Variants in TMCO4 observed in about 807,000 individuals in gnomAD.
The protein encoded by TMCO4 is transmembrane and coiled-coil domains 4.
Under a neutral mutation model 64.7 loss-of-function variants are expected in TMCO4, and 58 were observed. The observed-to-expected ratio is 0.90, with a 90% CI of 0.73 to 1.12. The LOEUF is 1.12. Among genes scored for constraint, TMCO4 ranks in the 50% most tolerant of loss-of-function variants. TMCO4 has a pLI of 0.00. For missense variants in TMCO4, 780 were observed against 825.9 expected (o/e 0.94, Z 0.68); for synonymous variants, 325 against 346.1 (o/e 0.94, Z 0.68).
intron 13 of TMCO4, among the ~76,000 whole-genome samples, chr1:19,728,109 C>T (rs1203912441): frequency 1.3e-5 from 2 of 152,146 alleles, no homozygotes; most frequent in Admixed American, 6.5e-5. Context: ...TTGTACTAGG[C>T]TTAGTAGCTG....
intron 4 of TMCO4, among the ~76,000 whole-genome samples, chr1:19,773,780 T>G (rs565332804): frequency 7.2e-5 from 11 of 152,312 alleles, no homozygotes; most frequent in Non-Finnish European, 5.9e-5. Context: ...GAGCCTGGCA[T>G]GTAGTAGAGG....
chr1:19,779,240 G>A lies in TMCO4; in HGVS notation c.179+1340C>T, dbSNP rs74677518. 7.9e-3 allele frequency among the ~76,000 whole-genome samples: 1,209 copies of A among 152,184 alleles called. 20 individuals are homozygous for A. Among genetic ancestry groups the A allele is most frequent in the African/African-American group, 0.028 (1,157 of 41,522 alleles). On this transcript the variant is annotated intron_variant, in intron 4 of 15. Coordinates refer to ENST00000294543, the MANE Select transcript of TMCO4 (RefSeq NM_181719.7). Reference sequence around the variant, plus strand: ...AGTAACGGTATCTCAGTGCTCCTACGCTCTCTTCCCCCTCTGAACCTTTGG... The same window carrying A: ...AGTAACGGTATCTCAGTGCTCCTACACTCTCTTCCCCCTCTGAACCTTTGG...
intron 9 of TMCO4, among the ~76,000 whole-genome samples, chr1:19,745,852 G>C (rs1318815173): frequency 6.6e-6 from 1 of 152,174 alleles, no homozygotes; most frequent in Non-Finnish European, 1.5e-5. Flanking sequence ...AGCTGCTTCT[G>C]AGGCTGGCCA....
At chr1:19,759,603 G>C (rs552074013) in intron 6 of TMCO4, among the ~76,000 whole-genome samples, 1 of 152,320 alleles carries the variant, frequency 6.6e-6, no homozygotes, top group East Asian at 1.9e-4. Flanking sequence ...CTGCCTCGGG[G>C]CCTTTGCACT....
intron 15 of TMCO4, among the ~76,000 whole-genome samples, chr1:19,691,018 A>G (rs977659166): frequency 4.6e-5 from 7 of 151,788 alleles, no homozygotes; most frequent in African/African-American, 1.7e-4. Context: ...ACAGGTGCCC[A>G]CCGCCACACC....
rs1042645957 is a variant in TMCO4, at chr1:19,700,871, T to A, written c.1279A>T (p.Ile427Phe). 6.2e-7 allele frequency: 1 copy of A among 1,614,234 alleles called. No homozygotes were observed. Reference protein sequence around the residue: ...MAQEKDCQGIIEDVILLGAPV... With the variant: ...MAQEKDCQGIFEDVILLGAPV... ...GCACCCAGCAGGATGACGTCCTCGA[T>A]GATTCCTTGGCAATCTGGCAAAAGA... The change falls in exon 14 of 16, where the codon ATC (isoleucine) becomes TTC (phenylalanine). Residue 427 changes from isoleucine to phenylalanine, a missense_variant. Physicochemically the swap from Ile to Phe is conservative, Grantham distance 21. Transcript: ENST00000294543.
rs532717659 is a variant in TMCO4 at position 19,731,483 on chromosome 1, G to C, written c.1264+5889C>G. On this transcript the variant is annotated intron_variant, in intron 13 of 15. Coordinates refer to ENST00000294543, the MANE Select transcript of TMCO4 (RefSeq NM_181719.7). The stretch of plus-strand genomic sequence containing the variant: ...TGGAGTTCAGAGAGGTTACATGACT[G>C]GGTGCGTGGTGGGTTTGGAATTCAA... Among the ~76,000 whole-genome samples, 89 of 152,322 alleles carry C rather than the reference G, an allele frequency of 5.8e-4. No homozygotes were observed. The South Asian group carries it at 7.2e-3, about 12-fold the overall frequency.
chr1:19,779,906 C>T (rs985155221), intron 4 of TMCO4, among the ~76,000 whole-genome samples: 3 of 152,280 alleles, frequency 2.0e-5, no homozygotes, highest in Non-Finnish European at 4.4e-5. Context: ...ACAGTAAGTG[C>T]TCAAAAAATG....
At position 19,788,794 on chromosome 1, in the gene TMCO4, G is replaced by C. The variant is rs542703060; in HGVS notation, c.-100-1677C>G. Reference sequence around the variant, plus strand: ...TAGTTATGTTTTTAAAACATGTTTCGGCTGGGTGTGGTAGCTCATGCCTGT... The same window carrying C: ...TAGTTATGTTTTTAAAACATGTTTCCGCTGGGTGTGGTAGCTCATGCCTGT... On this transcript the variant is annotated intron_variant, in intron 2 of 15. Transcript: ENST00000294543. Among the ~76,000 whole-genome samples the C allele has an allele frequency of 4.6e-4, 70 of 152,264 alleles. 1 individual carries two copies. In the South Asian group the frequency reaches 0.014, roughly 30 times the overall value.
In TMCO4 at chr1:19,758,110, T is replaced by A. The variant is rs112847144; in HGVS notation, c.383-2344A>T. 2.6e-5 allele frequency among the ~76,000 whole-genome samples: 4 copies of A among 152,324 alleles called. 1 individual carries two copies. Among genetic ancestry groups the A allele is most frequent in the African/African-American group, 9.6e-5 (4 of 41,580 alleles). On this transcript the variant is annotated intron_variant, in intron 6 of 15. Coordinates refer to ENST00000294543, the MANE Select transcript of TMCO4 (RefSeq NM_181719.7). ...CTTTCCCTGGCCTCATGTTTCCATG[T>A]GAGGGACCATTTACCATGACACAGT...
In TMCO4 at chr1:19,694,529, C is replaced by T. The variant is rs199977255; in HGVS notation, c.1405G>A (p.Val469Met). ...AGCTGCACCGAGGATGTGCGGTACA[C>T]GAAACTCAGCAGCCAGTCTCCCCTG... is the stretch of plus-strand genomic sequence containing the variant. ...YCRGDWLLSF[V>M]YRTSSVQLRV... Residue 469 changes from valine to methionine, a missense_variant, in exon 15 of 16, where the codon GTG (valine) becomes ATG (methionine). By Grantham distance (21) the Val-to-Met change is conservative. Coordinates refer to ENST00000294543, the MANE Select transcript of TMCO4 (RefSeq NM_181719.7). 40 of 1,613,846 alleles carry T rather than the reference C, an allele frequency of 2.5e-5. 1 individual carries two copies. The African/African-American group carries it at 2.8e-4, about 11-fold the overall frequency.
chr1:19,777,043 A>G (rs868360773), intron 4 of TMCO4, among the ~76,000 whole-genome samples: 9 of 151,742 alleles, frequency 5.9e-5, no homozygotes, highest in South Asian at 4.2e-4. Context: ...AAAAAAAAAA[A>G]AAAAAAGAAA....
In TMCO4 at chr1:19,737,519, C is replaced by T. The variant is rs1346273699; in HGVS notation, c.1180-63G>A. ...CTGCCAGTTCTAGCAAAACATCAGG[C>T]CTGAGGAGGGCAGCCTTTGCACATT... On this transcript the variant is annotated intron_variant, in intron 12 of 15. Coordinates refer to ENST00000294543, the MANE Select transcript of TMCO4 (RefSeq NM_181719.7). 2.7e-6 allele frequency: 4 copies of T among 1,509,246 alleles called. No individual in the cohort carries two copies. The African/African-American group carries it at 4.1e-5, about 16-fold the overall frequency. The allele number at this position is 1,509,246 out of a possible 1,614,324, so 93.5% of individuals were successfully genotyped here. A position where few individuals can be genotyped will look rare whatever the true frequency, so the allele number is the denominator to read the frequency against.
chr1:19,749,468 A>C (rs1390553901), intron 7 of TMCO4, among the ~76,000 whole-genome samples: 1 of 152,024 alleles, frequency 6.6e-6, no homozygotes, highest in Non-Finnish European at 1.5e-5. Context: ...CTCAGGTTCA[A>C]GTGGTCCTCC....
Position 19,690,508 on chromosome 1 carries a change from C to T in TMCO4, c.1500+3926G>A, listed in dbSNP as rs78850648. Among the ~76,000 whole-genome samples, 1,163 of 152,338 alleles carry T rather than the reference C, an allele frequency of 7.6e-3. 10 individuals carry two copies. Among genetic ancestry groups the T allele is most frequent in the African/African-American group, 0.025 (1,021 of 41,584 alleles). ...CCCAGCATGGAGCTTGCTCTTGTGT[C>T]GGTGTTTGGAGTGGTCAGCCAGAGC... is the stretch of plus-strand genomic sequence containing the variant. On this transcript the variant is annotated intron_variant, in intron 15 of 15. Transcript: ENST00000294543.
intron 4 of TMCO4, among the ~76,000 whole-genome samples, chr1:19,780,150 C>T (rs1045063496): frequency 6.6e-6 from 1 of 152,154 alleles, no homozygotes; most frequent in Non-Finnish European, 1.5e-5. Context: ...CTAGATCCCT[C>T]GCGTGCGCAG....
chr1:19,766,947 C>A (rs2042763019), intron 6 of TMCO4, among the ~76,000 whole-genome samples: 1 of 152,182 alleles, frequency 6.6e-6, no homozygotes, highest in Admixed American at 6.5e-5. Flanking sequence ...GGGGCCCTGG[C>A]ACCTGCTCCC....
intron 6 of TMCO4, among the ~76,000 whole-genome samples, chr1:19,756,354 A>G (rs2042256500): frequency 6.6e-6 from 1 of 152,166 alleles, no homozygotes; most frequent in Admixed American, 6.5e-5. Context: ...ATGCCCAAAG[A>G]CATTGCTGGT....
chr1:19,695,408 G>C (rs1332307607), intron 14 of TMCO4, among the ~76,000 whole-genome samples: 1 of 152,192 alleles, frequency 6.6e-6, no homozygotes, highest in South Asian at 2.1e-4. Context: ...GGGCCTTGCC[G>C]CCCAGCAAGT....
Sources: gnomAD v4.1 joint callset for allele counts (sites outside exome capture counted in the v4.1 genomes callset) on GRCh38, gnomAD v4.1.1 for gene constraint, MANE v1.5 for transcripts, NCBI Gene and HGNC (gene_info 2026-07-23, HGNC 2026-07-21) for gene names.